The following DHX57 variants were observed in gnomAD, a reference collection of about 807,000 sequenced individuals.
DHX57 encodes DExH-box helicase 57, also known as putative ATP-dependent RNA helicase DHX57.
In DHX57, 105 loss-of-function variants were observed where a neutral mutation model predicts 156.2. The ratio of observed to expected loss-of-function variants is 0.67; its 90% CI spans 0.57 to 0.79. The LOEUF is 0.79. Among genes scored for constraint, DHX57 ranks in the 30% least tolerant of loss-of-function variants. DHX57 has a pLI of 0.00. For synonymous variants in DHX57, 704 were observed against 595.6 expected, an observed-to-expected ratio of 1.18 and a Z score of -2.65; for missense variants, 1,847 against 1,661.9, an observed-to-expected ratio of 1.11 and a Z score of -1.94.
chr2:38,848,132 T>G, intron 10 of DHX57, 137 bp downstream of exon 10: 2 of 983,342 alleles, frequency 2.0e-6, no homozygotes, highest in Non-Finnish European at 2.8e-6. Flanking sequence ...TCAGCTGCAT[T>G]ATATGGTTTA....
At position 38,861,283 on chromosome 2, in the gene DHX57, G is replaced by T; in HGVS notation, c.1127C>A (p.Ser376Tyr). ...AGCCAGAGGTAGGTTCTCATTGGTGGAATAAAATGCCACGAGCGGAGCTTG... is the reference window on the plus strand; with the variant it reads ...AGCCAGAGGTAGGTTCTCATTGGTGTAATAAAATGCCACGAGCGGAGCTTG... ...PYQAPLVAFY[S>Y]TNENLPLACR... The change falls in exon 5 of 24, where the codon TCC becomes TAC. Residue 376 changes from serine to tyrosine, a missense_variant. Physicochemically the swap from Ser to Tyr is moderately radical, Grantham distance 144. Coordinates refer to ENST00000457308, the MANE Select transcript of DHX57 (RefSeq NM_198963.3). 11 of 1,614,158 alleles carry T rather than the reference G, an allele frequency of 6.8e-6. No individual in the cohort carries two copies. The highest frequency in any genetic ancestry group is 9.3e-6 in the Non-Finnish European group (11 of 1,180,042).
At chr2:38,814,018 A>C (rs1572629950) in intron 20 of DHX57, 123 bp from the exon 21 acceptor site, 1 of 1,001,198 alleles carries the variant, frequency 1.0e-6, no homozygotes, top group Admixed American at 2.1e-5. Flanking sequence ...GCTTACTGCA[A>C]CCTCCGCCTC....
In DHX57 at chr2:38,861,606, C is replaced by T. The variant is rs867806568; in HGVS notation, c.804G>A (p.Gln268=). Residue 268 remains glutamine, a synonymous_variant, in exon 5 of 24, where the codon CAG becomes CAA. Coordinates refer to ENST00000457308, the MANE Select transcript of DHX57 (RefSeq NM_198963.3). ...CTAACCCAATGGTCCAGACTCTGTT[C>T]TGAATTCTTTCTATAAATTTTTCTC... ...ICGEKFIERI[Q]NRVWTIGLEL... The T allele has an allele frequency of 1.2e-6, 2 of 1,614,208 alleles. No individual in the cohort carries two copies. Among genetic ancestry groups the T allele is most frequent in the Non-Finnish European group, 1.7e-6 (2 of 1,180,034 alleles).
At chr2:38,864,440 G>A (rs1664944383) in intron 2 of DHX57, among the ~76,000 whole-genome samples, 1 of 152,040 alleles carries the variant, frequency 6.6e-6, no homozygotes, top group Admixed American at 6.6e-5. Flanking sequence ...TGATTTGTCT[G>A]ATCATTAGGA....
chr2:38,858,600 C>T, intron 6 of DHX57, 61 bp downstream of exon 6: 5 of 1,530,572 alleles, frequency 3.3e-6, no homozygotes, highest in Non-Finnish European at 4.4e-6. Context: ...CTCCCTAATT[C>T]CTAATCCCAT....
rs766165637 is a variant in DHX57 at position 38,837,947 on chromosome 2, CCT to C, written c.2426-2_2426-1del. 6.3e-7 allele frequency: 1 copy of C among 1,594,654 alleles called. No homozygotes were observed. Among genetic ancestry groups the C allele is most frequent in the Non-Finnish European group, 8.6e-7 (1 of 1,162,866 alleles). Reference sequence around the variant, plus strand: ...TGTTTTGATGACTGACTTGCTAACCCCTGAAAGAAAGAAAGGTAAAAATGAGA... The same window carrying C: ...TGTTTTGATGACTGACTTGCTAACCCGAAAGAAAGAAAGGTAAAAATGAGA... On this transcript the variant is annotated splice_acceptor_variant, in intron 12 of 23. Coordinates refer to ENST00000457308, the MANE Select transcript of DHX57 (RefSeq NM_198963.3). LOFTEE classifies it high-confidence loss of function.
At position 38,833,840 on chromosome 2, in the gene DHX57, G is replaced by GA. The variant is rs199947154; in HGVS notation, c.2542+3990dup. 7.6e-3 allele frequency among the ~76,000 whole-genome samples: 1,146 copies of GA among 151,116 alleles called. 9 individuals are homozygous for GA. The highest frequency in any genetic ancestry group is 0.013 in the Non-Finnish European group (892 of 67,710). ...CACAAACTGCATAGCCTAGAAATAT[G>GA]AAAAAAAATTAAGAAAGAGATATGT... On this transcript the variant is annotated intron_variant, in intron 13 of 23. Coordinates refer to ENST00000457308, the MANE Select transcript of DHX57 (RefSeq NM_198963.3).
rs974305327 is a variant in DHX57, at chr2:38,855,158, G to A, written c.1804C>T (p.Arg602Ter). The change falls in exon 8 of 24, where the codon CGA (arginine) becomes TGA (stop). Residue 602 changes from arginine to a stop codon, truncating the protein, a stop_gained. Coordinates refer to ENST00000457308, the MANE Select transcript of DHX57 (RefSeq NM_198963.3). LOFTEE classifies it high-confidence loss of function. ...GCAACAGAGATTGCAGAGATTCGTC[G>A]GGGTTGGGTACAGATGATGTTGGCT... ...KVANIICTQP[R>*]RISAISVAER... The A allele has an allele frequency of 3.7e-6, 6 of 1,613,956 alleles. No homozygotes were observed. Among genetic ancestry groups the A allele is most frequent in the Middle Eastern group, 1.6e-4 (1 of 6,084 alleles).
chr2:38,809,742 C>G (rs1050423587), intron 21 of DHX57, among the ~76,000 whole-genome samples: 1 of 152,064 alleles, frequency 6.6e-6, no homozygotes, highest in Non-Finnish European at 1.5e-5. Flanking sequence ...GGATTGCAGG[C>G]GTGAGCCACC....
At chr2:38,803,021 A>G in intron 22 of DHX57, 106 bp from the exon 23 acceptor site, 1 of 1,217,102 alleles carries the variant, frequency 8.2e-7, no homozygotes, top group Non-Finnish European at 1.2e-6. Flanking sequence ...GACTCCCCAA[A>G]TTTATCTATA....
intron 13 of DHX57, among the ~76,000 whole-genome samples, chr2:38,836,792 A>G (rs1468108567): frequency 6.7e-6 from 1 of 149,608 alleles, no homozygotes; most frequent in African/African-American, 2.4e-5. Context: ...AAAAAAAAAA[A>G]AAAAAGAAAC....
chr2:38,838,040 T>G, intron 12 of DHX57, 93 bp from the exon 13 acceptor site: 1 of 805,142 alleles, frequency 1.2e-6, no homozygotes, highest in Middle Eastern at 2.3e-4. Flanking sequence ...TGCCTGTGAA[T>G]TAGGTGAGTG....
chr2:38,855,051 A>T lies in DHX57; in HGVS notation c.1905+6T>A. Reference sequence around the variant, plus strand: ...TGTTACCAGGAAATAAGCAGAGCATACAAACCTTGACACTTTCTAACCGAA... The same window carrying T: ...TGTTACCAGGAAATAAGCAGAGCATTCAAACCTTGACACTTTCTAACCGAA... On this transcript the variant is annotated splice_donor_region_variant and intron_variant, in intron 8 of 23. Coordinates refer to ENST00000457308, the MANE Select transcript of DHX57 (RefSeq NM_198963.3). 1 of 1,614,180 alleles carries T rather than the reference A, an allele frequency of 6.2e-7. No individual in the cohort carries two copies. The highest frequency in any genetic ancestry group is 1.1e-5 in the South Asian group (1 of 91,086).
intron 3 of DHX57, 22 bp from the exon 4 acceptor site, chr2:38,862,355 T>C (rs780654771): frequency 6.6e-7 from 1 of 1,519,270 alleles, no homozygotes; most frequent in Non-Finnish European, 8.9e-7. Flanking sequence ...AACATTTTCA[T>C]ATATTAGATA....
chr2:38,859,593 T>G (rs1233431760), intron 5 of DHX57, among the ~76,000 whole-genome samples: 1 of 152,182 alleles, frequency 6.6e-6, no homozygotes, highest in Non-Finnish European at 1.5e-5. Context: ...TGACACATAA[T>G]TTTCATTTCC....
intron 14 of DHX57, among the ~76,000 whole-genome samples, chr2:38,827,909 C>G (rs993085996): frequency 6.6e-6 from 1 of 151,942 alleles, no homozygotes; most frequent in Non-Finnish European, 1.5e-5. Context: ...CGGGCTGGAG[C>G]GCAATGGTGT....
chr2:38,814,507 C>G (rs923503711), intron 20 of DHX57, among the ~76,000 whole-genome samples: 1 of 152,280 alleles, frequency 6.6e-6, no homozygotes, highest in Admixed American at 6.5e-5. Context: ...TGTTCAGAAT[C>G]TCCAGAAAGT....
At chr2:38,821,433 C>T (rs1670810878) in intron 17 of DHX57, among the ~76,000 whole-genome samples, 2 of 152,150 alleles carry the variant, frequency 1.3e-5, no homozygotes, top group African/African-American at 4.8e-5. Flanking sequence ...TGGTGGCTCA[C>T]ACCTGCAATC....
intron 1 of DHX57, among the ~76,000 whole-genome samples, chr2:38,875,193 G>C (rs533464367): frequency 6.6e-6 from 1 of 152,274 alleles, no homozygotes; most frequent in South Asian, 2.1e-4. Flanking sequence ...TAATCCACGT[G>C]GTTAGATTCC....
Sources: gnomAD v4.1 joint callset for allele counts (sites outside exome capture counted in the v4.1 genomes callset) on GRCh38, gnomAD v4.1.1 for gene constraint, MANE v1.5 for transcripts, NCBI Gene and HGNC (gene_info 2026-07-23, HGNC 2026-07-21) for gene names.